TRPM8: variants seen among roughly 807,000 people sequenced by gnomAD.
TRPM8 encodes the protein transient receptor potential cation channel subfamily M member 8.
Under a neutral mutation model 133.7 loss-of-function variants are expected in TRPM8, and 110 were observed. That is an observed-to-expected ratio of 0.82 (90% CI 0.70 to 0.96). TRPM8 has a LOEUF of 0.96. Among genes scored for constraint, TRPM8 ranks in the 40% least tolerant of loss-of-function variants. The pLI, the probability that TRPM8 is intolerant of heterozygous loss-of-function variation, is 0.00. For missense variants in TRPM8, 1,291 were observed against 1,379.5 expected (o/e 0.94, Z 1.02); for synonymous variants, 535 against 532.3 (o/e 1.01, Z -0.07).
chr2:233,944,101 T>C (rs1007349208), intron 6 of TRPM8, among the ~76,000 whole-genome samples: 2 of 152,176 alleles, frequency 1.3e-5, no homozygotes, highest in African/African-American at 4.8e-5. Context: ...AGTTCCCTTC[T>C]TCAAGCTTTT....
At chr2:233,969,991 G>A (rs1192558857) in intron 16 of TRPM8, 184 bp downstream of exon 16, 2 of 666,320 alleles carry the variant, frequency 3.0e-6, no homozygotes, top group South Asian at 1.9e-5. Flanking sequence ...AATGGGTAGG[G>A]GTGGGGTTGT....
At chr2:233,928,191 G>C (rs749329826) in intron 2 of TRPM8, among the ~76,000 whole-genome samples, 9 of 151,662 alleles carry the variant, frequency 5.9e-5, no homozygotes, top group Non-Finnish European at 8.8e-5. Flanking sequence ...GGATGGTCTC[G>C]ATCTCCTGAC....
In TRPM8 at chr2:233,969,717, A is replaced by G. The variant is rs772063931; in HGVS notation, c.2048A>G (p.Tyr683Cys). 9 of 1,612,336 alleles carry G rather than the reference A, an allele frequency of 5.6e-6. No individual in the cohort carries two copies. ...GVQNFLSKQW[Y>C]GEISRDTKNW... Reference sequence around the variant, plus strand: ...TAGAATTTTCTTTCTAAGCAATGGTATGGAGAGATTTCCCGAGACACCAAG... The same window carrying G: ...TAGAATTTTCTTTCTAAGCAATGGTGTGGAGAGATTTCCCGAGACACCAAG... The change falls in exon 16 of 26, where the codon TAT becomes TGT. Residue 683 changes from tyrosine (Y) to cysteine (C), a missense_variant. Tyr to Cys is a radical substitution (Grantham distance 194). Around this residue, in one of 2 missense-constraint regions of TRPM8, gnomAD observed 963 missense variants for 968.9 expected, o/e 0.99. Coordinates refer to ENST00000324695, the MANE Select transcript of TRPM8 (RefSeq NM_024080.5).
chr2:234,003,322 C>T (rs1160186747), intron 22 of TRPM8, among the ~76,000 whole-genome samples: 2 of 152,192 alleles, frequency 1.3e-5, no homozygotes, highest in Non-Finnish European at 2.9e-5. Context: ...AACGATCACA[C>T]ATATGTAATT....
Position 234,006,883 on chromosome 2 carries a change from C to T in TRPM8, c.3161C>T (p.Ala1054Val), listed in dbSNP as rs1489594380. 2 of 1,613,772 alleles carry T rather than the reference C, an allele frequency of 1.2e-6. No homozygotes were observed. The highest frequency in any genetic ancestry group is 2.2e-5 in the South Asian group (2 of 91,052). The part of the protein sequence containing the change: ...CFKNEDNETL[A>V]WEGVMKENYL... Reference sequence around the variant, plus strand: ...AAAAATGAAGACAATGAGACTCTGGCATGGGAGGGTGTCATGAAGGAAAAC... The same window carrying T: ...AAAAATGAAGACAATGAGACTCTGGTATGGGAGGGTGTCATGAAGGAAAAC... The change falls in exon 23 of 26, where the codon GCA (alanine) becomes GTA (valine). Residue 1054 changes from alanine (A) to valine (V), a missense_variant. Physicochemically the swap from Ala to Val is moderately conservative, Grantham distance 64. Coordinates refer to ENST00000324695, the MANE Select transcript of TRPM8 (RefSeq NM_024080.5).
chr2:233,918,525 G>A (rs1691347105), intron 1 of TRPM8, among the ~76,000 whole-genome samples: 1 of 151,962 alleles, frequency 6.6e-6, no homozygotes, highest in South Asian at 2.1e-4. Context: ...TAGCATCTTG[G>A]AGCATCACCT....
intron 11 of TRPM8, among the ~76,000 whole-genome samples, chr2:233,959,581 G>T (rs1055246277): frequency 4.0e-5 from 6 of 151,806 alleles, no homozygotes; most frequent in African/African-American, 1.5e-4. Context: ...AAAGTGCTGG[G>T]ATTACAGGTG....
At chr2:234,004,408 G>T (rs1275099912) in intron 22 of TRPM8, among the ~76,000 whole-genome samples, 1 of 152,200 alleles carries the variant, frequency 6.6e-6, no homozygotes, top group African/African-American at 2.4e-5. Context: ...GATGACTAAT[G>T]CCTGAAACCG....
At chr2:233,928,213 C>T (rs1369337875) in intron 2 of TRPM8, among the ~76,000 whole-genome samples, 2 of 151,984 alleles carry the variant, frequency 1.3e-5, no homozygotes, top group South Asian at 2.1e-4. Context: ...TCGTGAGCCG[C>T]CCACCTCGGC....
chr2:233,974,116 C>T (rs1311749979), intron 17 of TRPM8, among the ~76,000 whole-genome samples: 2 of 152,188 alleles, frequency 1.3e-5, no homozygotes, highest in African/African-American at 4.8e-5. Context: ...GTCCCAACAC[C>T]CCCTACCTCT....
At chr2:233,949,281 A>AT (rs986159083) in intron 8 of TRPM8, among the ~76,000 whole-genome samples, 2 of 152,076 alleles carry the variant, frequency 1.3e-5, no homozygotes, top group African/African-American at 4.8e-5. Flanking sequence ...GTGCTTTTCA[A>AT]TTTTTTTTGT....
chr2:233,962,566 A>G (rs1306117880), intron 12 of TRPM8, among the ~76,000 whole-genome samples: 13 of 152,124 alleles, frequency 8.5e-5, no homozygotes, highest in Admixed American at 8.5e-4. Context: ...TAATTATGGA[A>G]TTTTTAGAGT....
chr2:234,000,259 C>T (rs529239535), intron 22 of TRPM8, among the ~76,000 whole-genome samples: 8 of 151,884 alleles, frequency 5.3e-5, no homozygotes, highest in East Asian at 1.9e-4. Context: ...TACAGGCACC[C>T]GCCACCACAC....
intron 14 of TRPM8, among the ~76,000 whole-genome samples, 153 bp downstream of exon 14, chr2:233,964,910 G>A (rs189090138): frequency 6.0e-4 from 92 of 152,302 alleles, no homozygotes; most frequent in Admixed American, 2.5e-3. Flanking sequence ...GTCTGGATGC[G>A]ACAATCTCCT....
intron 19 of TRPM8, 50 bp from the exon 20 acceptor site, chr2:233,983,003 G>T: frequency 6.3e-7 from 1 of 1,578,604 alleles, no homozygotes; most frequent in Non-Finnish European, 8.6e-7. Flanking sequence ...GGGGGGACTT[G>T]CCAACTGTGG....
At chr2:233,955,111 T>C (rs1317235713) in intron 10 of TRPM8, 21 bp from the exon 11 acceptor site, 1 of 1,585,606 alleles carries the variant, frequency 6.3e-7, no homozygotes, top group Non-Finnish European at 8.7e-7. Context: ...GTGAGTTGAG[T>C]CTTTTCCTGC....
chr2:233,973,396 G>A (rs540561010), intron 17 of TRPM8, among the ~76,000 whole-genome samples: 47 of 152,208 alleles, frequency 3.1e-4, no homozygotes, highest in African/African-American at 9.2e-4. Context: ...AGCTTTTGGC[G>A]GCCAGCTGGC....
intron 22 of TRPM8, among the ~76,000 whole-genome samples, chr2:234,005,959 CA>C (rs1167819207): frequency 1.3e-5 from 2 of 151,458 alleles, no homozygotes; most frequent in African/African-American, 2.4e-5. Context: ...CACACACACA[CA>C]CACACACAGA....
chr2:234,001,798 T>C (rs17869068), intron 22 of TRPM8, among the ~76,000 whole-genome samples: 17,444 of 152,150 alleles, frequency 0.11, 1,095 homozygotes, highest in African/African-American at 0.17. Context: ...CATCACTTGG[T>C]GGGAGCTGGA....
Sources: allele counts gnomAD v4.1 joint callset (sites outside exome capture counted in the v4.1 genomes callset), GRCh38; gene constraint gnomAD v4.1.1; regional missense constraint gnomAD v4.1.1; transcripts MANE v1.5; gene names NCBI Gene and HGNC (gene_info 2026-07-23, HGNC 2026-07-21).